PSMD1: variants seen among roughly 807,000 people sequenced by gnomAD.
PSMD1 encodes 26S proteasome non-ATPase regulatory subunit 1.
Under a neutral mutation model 119.0 loss-of-function variants are expected in PSMD1, and 18 were observed. The observed-to-expected ratio is 0.15, with a 90% CI of 0.10 to 0.22. The LOEUF (loss-of-function observed/expected upper bound fraction) is 0.22, where lower values mean the gene tolerates loss of function less well. Ranked by LOEUF, PSMD1 falls within the 10% of genes least tolerant of loss-of-function variation. PSMD1 has a pLI of 1.00. For missense variants in PSMD1, 702 were observed against 1,158.5 expected, an observed-to-expected ratio of 0.61 and a Z score of 5.72; for synonymous variants, 374 against 396.6, an observed-to-expected ratio of 0.94 and a Z score of 0.68.
At chr2:231,172,125 G>T (rs1168252967) in intron 24 of PSMD1, among the ~76,000 whole-genome samples, 1 of 152,120 alleles carries the variant, frequency 6.6e-6, no homozygotes, top group Non-Finnish European at 1.5e-5. Context: ...TTATCTTTCA[G>T]CCTTGATAGT....
At chr2:231,116,319 T>C (rs1695330176) in intron 16 of PSMD1, among the ~76,000 whole-genome samples, 1 of 152,122 alleles carries the variant, frequency 6.6e-6, no homozygotes. Context: ...GGTAGGAAAA[T>C]ACTCGTCTAG....
In PSMD1 at chr2:231,078,656, C is replaced by T. The variant is rs141191699; in HGVS notation, c.1072-3C>T. ...TGAAACAATTCTGTATTTGTTGTTGCAGGATGCAGTACGGAATTCTGTATG... is the reference window on the plus strand; with the variant it reads ...TGAAACAATTCTGTATTTGTTGTTGTAGGATGCAGTACGGAATTCTGTATG... On this transcript the variant is annotated splice_polypyrimidine_tract_variant and splice_region_variant and intron_variant, in intron 9 of 24. Coordinates refer to ENST00000308696, the MANE Select transcript of PSMD1 (RefSeq NM_002807.4). The T allele has an allele frequency of 1.4e-3, 2,175 of 1,597,164 alleles. 34 individuals carry two copies. The African/African-American group carries it at 0.026, about 19-fold the overall frequency.
chr2:231,092,221 A>T (rs1389508226), intron 16 of PSMD1, among the ~76,000 whole-genome samples: 1 of 152,146 alleles, frequency 6.6e-6, no homozygotes, highest in Non-Finnish European at 1.5e-5. Flanking sequence ...TCACGTGTCA[A>T]ATTGGTGGGA....
chr2:231,112,673 A>G (rs1356605227), intron 16 of PSMD1, among the ~76,000 whole-genome samples: 1 of 152,136 alleles, frequency 6.6e-6, no homozygotes, highest in Non-Finnish European at 1.5e-5. Flanking sequence ...AATTTTTGCA[A>G]ATCTATTTGT....
At chr2:231,119,911 C>A (rs1695476368) in intron 16 of PSMD1, among the ~76,000 whole-genome samples, 3 of 146,636 alleles carry the variant, frequency 2.0e-5, no homozygotes, top group Admixed American at 6.8e-5. Flanking sequence ...AAACCAATAA[C>A]ACCCAATGGA....
intron 16 of PSMD1, among the ~76,000 whole-genome samples, chr2:231,122,181 A>G (rs758886157): frequency 5.3e-5 from 8 of 152,134 alleles, no homozygotes; most frequent in Non-Finnish European, 1.0e-4. Flanking sequence ...AAGCAGTAGA[A>G]CTTTACTCAT....
At chr2:231,159,154 A>G (rs1228108859) in intron 19 of PSMD1, among the ~76,000 whole-genome samples, 1 of 152,220 alleles carries the variant, frequency 6.6e-6, no homozygotes, top group South Asian at 2.1e-4. Context: ...AGGAATCCAC[A>G]TTGGAATTCC....
chr2:231,154,277 C>A (rs528548506), intron 19 of PSMD1, among the ~76,000 whole-genome samples: 1 of 151,226 alleles, frequency 6.6e-6, no homozygotes, highest in African/African-American at 2.4e-5. Flanking sequence ...ACTAAAAATA[C>A]AAAAAAATTA....
chr2:231,110,708 A>G (rs1000678879), intron 16 of PSMD1, among the ~76,000 whole-genome samples: 1 of 152,222 alleles, frequency 6.6e-6, no homozygotes, highest in Non-Finnish European at 1.5e-5. Context: ...CTTGTTCTAC[A>G]CCAGGGGTCA....
intron 1 of PSMD1, among the ~76,000 whole-genome samples, chr2:231,058,848 C>T (rs1413986741): frequency 6.6e-6 from 1 of 152,092 alleles, no homozygotes; most frequent in Non-Finnish European, 1.5e-5. Context: ...AATCTTTTGT[C>T]TCAACTCAAA....
intron 1 of PSMD1, 97 bp downstream of exon 1, chr2:231,057,138 A>G: frequency 1.4e-6 from 2 of 1,385,994 alleles, no homozygotes; most frequent in East Asian, 2.9e-5. Context: ...TCCCGGCGGA[A>G]CGCCGGCCTG....
intron 11 of PSMD1, 24 bp from the exon 12 acceptor site, chr2:231,080,117 C>T (rs769924489): frequency 1.3e-6 from 2 of 1,567,448 alleles, no homozygotes; most frequent in South Asian, 1.2e-5. Flanking sequence ...TTTTTGATGT[C>T]TTTGTTATGA....
At chr2:231,108,809 T>G (rs1270925925) in intron 16 of PSMD1, 1 of 1,614,040 alleles carries the variant, frequency 6.2e-7, no homozygotes, top group African/African-American at 1.3e-5. Flanking sequence ...CCGAAATGTC[T>G]TATTGAAGAG....
At position 231,084,874 on chromosome 2, in the gene PSMD1, A is replaced by G. The variant is rs140256646; in HGVS notation, c.1723-145A>G. 3.9e-4 allele frequency: 249 copies of G among 630,998 alleles called. No individual in the cohort carries two copies. In the African/African-American group the frequency reaches 4.2e-3, roughly 11 times the overall value. 39.1% of individuals were successfully genotyped at this position (630,998 alleles called of 1,614,324 possible). ...GTGTTTTATTGCCCCATTTATTTCA[A>G]AAACTACCAACCACAAAAGAGTTAT... On this transcript the variant is annotated intron_variant, in intron 14 of 24. Transcript: ENST00000308696.
intron 18 of PSMD1, among the ~76,000 whole-genome samples, chr2:231,152,683 G>A (rs1032187097): frequency 2.6e-5 from 4 of 152,126 alleles, no homozygotes; most frequent in Non-Finnish European, 5.9e-5. Flanking sequence ...ATTATATTAG[G>A]AAACTCAAAT....
intron 4 of PSMD1, among the ~76,000 whole-genome samples, chr2:231,065,767 C>T (rs1693896469): frequency 6.6e-6 from 1 of 152,214 alleles, no homozygotes; most frequent in Non-Finnish European, 1.5e-5. Context: ...ACACCCTCCC[C>T]TCCATGCACC....
Position 231,170,611 on chromosome 2 carries a change from A to C in PSMD1, c.2761A>C (p.Ile921Leu), listed in dbSNP as rs771307405. The change falls in exon 24 of 25, where the codon ATT (isoleucine) becomes CTT (leucine). Residue 921 changes from isoleucine (I) to leucine (L), a missense_variant. Ile to Leu is a conservative substitution (Grantham distance 5). Coordinates refer to ENST00000308696, the MANE Select transcript of PSMD1 (RefSeq NM_002807.4). This position sits in a 1 kb window ranked among gnomAD's most constrained non-coding sequence, Gnocchi z 4.1. ...CATTCTGAAGGATACCAGTGAAGAC[A>C]TTGAGGAGCTGGTGGAACCTGTGGC... Reference protein sequence around the residue: ...IIILKDTSEDIEELVEPVAAH... With the variant: ...IIILKDTSEDLEELVEPVAAH... The C allele has an allele frequency of 1.9e-6, 3 of 1,614,148 alleles. No homozygotes were observed. Among genetic ancestry groups the C allele is most frequent in the African/African-American group, 2.7e-5 (2 of 75,050 alleles).
At chr2:231,159,767 T>G (rs929094939) in intron 19 of PSMD1, among the ~76,000 whole-genome samples, 2 of 152,186 alleles carry the variant, frequency 1.3e-5, no homozygotes, top group Admixed American at 1.3e-4. Flanking sequence ...CACAACCTTT[T>G]TGACACCAGG....
At position 231,146,281 on chromosome 2, in the gene PSMD1, G is replaced by A. The variant is rs1186598418; in HGVS notation, c.2040G>A (p.Val680=). ...NLLEPMTNDP[V]NYVRQGALIA... is the part of the protein sequence containing the mutation. The stretch of plus-strand genomic sequence containing the variant: ...TAGAACCAATGACAAACGACCCCGT[G>A]AACTACGTGAGGCAAGGGGCACTCA... Residue 680 remains valine (V), a synonymous_variant, in exon 18 of 25, where the codon GTG becomes GTA. Coordinates refer to ENST00000308696, the MANE Select transcript of PSMD1 (RefSeq NM_002807.4). The A allele has an allele frequency of 6.2e-7, 1 of 1,613,876 alleles. No individual in the cohort carries two copies. The highest frequency in any genetic ancestry group is 2.2e-5 in the East Asian group (1 of 44,848).
Sources: gnomAD v4.1 joint callset for allele counts (sites outside exome capture counted in the v4.1 genomes callset) on GRCh38, gnomAD v4.1.1 for gene constraint, Gnocchi (gnomAD v3.1) non-coding constraint, MANE v1.5 for transcripts, NCBI Gene and HGNC (gene_info 2026-07-23, HGNC 2026-07-21) for gene names.